The following CACNA2D2 variants were observed in gnomAD, a reference collection of about 807,000 sequenced individuals.
The protein encoded by CACNA2D2 is voltage-dependent calcium channel subunit alpha-2/delta-2.
CACNA2D2 carries 48 observed loss-of-function variants against 166.4 expected under a neutral mutation model. The observed-to-expected ratio is 0.29, with a 90% CI of 0.23 to 0.37. The LOEUF (loss-of-function observed/expected upper bound fraction) is 0.37. Ranked by LOEUF, CACNA2D2 falls within the 10% of genes least tolerant of loss-of-function variation. The probability of loss-of-function intolerance (pLI) is 1.00; values close to 1 mark genes in which losing one functional copy is unlikely to be tolerated. For missense variants in CACNA2D2, 1,122 were observed against 1,433.0 expected (o/e 0.78, Z 3.50); for synonymous variants, 561 against 573.7 (o/e 0.98, Z 0.32).
intron 1 of CACNA2D2, among the ~76,000 whole-genome samples, chr3:50,500,754 C>T (rs577878167): frequency 7.9e-6 from 1 of 126,570 alleles, no homozygotes; most frequent in Non-Finnish European, 1.7e-5. Flanking sequence ...CCAACCCCCC[C>T]ACCCCCCGCC....
chr3:50,502,963 G>T (rs1279460204), intron 1 of CACNA2D2, among the ~76,000 whole-genome samples: 1 of 152,218 alleles, frequency 6.6e-6, no homozygotes, highest in Non-Finnish European at 1.5e-5. Context: ...CCCGGGGCTT[G>T]AAGATCTTGC....
chr3:50,389,220 G>A (rs1036446575), intron 4 of CACNA2D2, among the ~76,000 whole-genome samples: 21 of 152,274 alleles, frequency 1.4e-4, no homozygotes, highest in Non-Finnish European at 2.5e-4. Context: ...GCCCGGCTCC[G>A]ACCGAAGCGC....
chr3:50,404,833 T>C (rs1424930609), intron 3 of CACNA2D2, among the ~76,000 whole-genome samples: 1 of 152,184 alleles, frequency 6.6e-6, no homozygotes, highest in Non-Finnish European at 1.5e-5. Context: ...CCCACTGCCC[T>C]GAGCAGAGAA....
intron 2 of CACNA2D2, among the ~76,000 whole-genome samples, chr3:50,474,629 G>C (rs1298670325): frequency 1.3e-5 from 2 of 152,208 alleles, no homozygotes; most frequent in African/African-American, 4.8e-5. Flanking sequence ...AAGGATTATT[G>C]ACTGGAGGAG....
At position 50,379,346 on chromosome 3, in the gene CACNA2D2, G is replaced by A. The variant is rs587637384; in HGVS notation, c.1152+86C>T. The A allele has an allele frequency of 8.9e-5, 136 of 1,531,274 alleles. No homozygotes were observed. The highest frequency in any genetic ancestry group is 3.4e-4 in the Middle Eastern group (2 of 5,834). 94.9% of individuals were successfully genotyped at this position (1,531,274 alleles called of 1,614,324 possible). ...TCCAAGCTGCCTGTTTGGTGCTAAC[G>A]AGGCCATCCGTCTTGATTTCCTGGG... On this transcript the variant is annotated intron_variant, in intron 11 of 37. Transcript: ENST00000424201. The surrounding 1 kb of genome is among the most constrained non-coding windows in gnomAD (Gnocchi z 6.5).
chr3:50,430,242 A>G (rs1708006729), intron 3 of CACNA2D2, among the ~76,000 whole-genome samples: 1 of 152,162 alleles, frequency 6.6e-6, no homozygotes, highest in African/African-American at 2.4e-5. Context: ...AAGCCCGCTG[A>G]GCCTCGATAC....
chr3:50,382,697 A>T (rs1007175971), intron 6 of CACNA2D2, among the ~76,000 whole-genome samples: 2 of 152,258 alleles, frequency 1.3e-5, no homozygotes, highest in African/African-American at 2.4e-5. Context: ...CAGGCCCTCC[A>T]GAGTTTCACA....
rs183305320 is a variant in CACNA2D2, at chr3:50,393,649, C to T, written c.465+460G>A. ...GACCATGGCAGCCCAGTCCCCTGAG[C>T]CCAGCCTGAGGGCCTCCAGGGTGGA... On this transcript the variant is annotated intron_variant, in intron 4 of 37. Transcript: ENST00000424201. Among the ~76,000 whole-genome samples, 376 of 152,340 alleles carry T rather than the reference C, an allele frequency of 2.5e-3. 2 individuals are homozygous for T. Among genetic ancestry groups the T allele is most frequent in the African/African-American group, 8.6e-3 (359 of 41,580 alleles).
intron 3 of CACNA2D2, among the ~76,000 whole-genome samples, chr3:50,421,011 G>A (rs1483739976): frequency 6.6e-6 from 1 of 152,202 alleles, no homozygotes; most frequent in Non-Finnish European, 1.5e-5. Flanking sequence ...CCTTCCCCTG[G>A]GTTCTGGGAG....
At chr3:50,478,346 G>C (rs1697892854) in intron 1 of CACNA2D2, among the ~76,000 whole-genome samples, 1 of 152,196 alleles carries the variant, frequency 6.6e-6, no homozygotes, top group African/African-American at 2.4e-5. Flanking sequence ...TCCTGCGATG[G>C]AGCCCTGGGG....
chr3:50,367,133 G>T lies in CACNA2D2; in HGVS notation c.2402-24C>A, dbSNP rs202084154. 6 of 1,582,438 alleles carry T rather than the reference G, an allele frequency of 3.8e-6. No homozygotes were observed. The highest frequency in any genetic ancestry group is 4.3e-6 in the Non-Finnish European group (5 of 1,153,436). Reference sequence around the variant, plus strand: ...GGCTGGGGGTTGGGTGGGGAAGTCAGGAGTGGGGTCTGGCGGCCACACTGA... The same window carrying T: ...GGCTGGGGGTTGGGTGGGGAAGTCATGAGTGGGGTCTGGCGGCCACACTGA... On this transcript the variant is annotated intron_variant, in intron 27 of 37. Coordinates refer to ENST00000424201, the MANE Select transcript of CACNA2D2 (RefSeq NM_006030.4). This position sits in a 1 kb window ranked among gnomAD's most constrained non-coding sequence, Gnocchi z 6.5.
chr3:50,381,313 T>C (rs1705304154), intron 6 of CACNA2D2, among the ~76,000 whole-genome samples, 187 bp from the exon 7 acceptor site: 1 of 151,934 alleles, frequency 6.6e-6, no homozygotes, highest in Non-Finnish European at 1.5e-5. Flanking sequence ...TTTCTGATCC[T>C]CACCCCTCCC....
intron 1 of CACNA2D2, among the ~76,000 whole-genome samples, chr3:50,492,682 G>T (rs1361404951): frequency 6.6e-6 from 1 of 152,210 alleles, no homozygotes; most frequent in East Asian, 1.9e-4. Flanking sequence ...TGGTTCCAAG[G>T]AACCTGGAGG....
At chr3:50,498,540 C>T (rs1269561527) in intron 1 of CACNA2D2, among the ~76,000 whole-genome samples, 1 of 152,208 alleles carries the variant, frequency 6.6e-6, no homozygotes, top group Non-Finnish European at 1.5e-5. Flanking sequence ...TGGCCCATAA[C>T]TCAAAGCTGG....
intron 1 of CACNA2D2, among the ~76,000 whole-genome samples, chr3:50,495,192 G>T (rs1698673526): frequency 6.6e-6 from 1 of 152,146 alleles, no homozygotes; most frequent in South Asian, 2.1e-4. Context: ...GGACCTCAGG[G>T]ATTTCTGTGG....
At chr3:50,499,093 T>G (rs1303670592) in intron 1 of CACNA2D2, among the ~76,000 whole-genome samples, 2 of 151,176 alleles carry the variant, frequency 1.3e-5, no homozygotes, top group African/African-American at 2.4e-5. Flanking sequence ...TTGCAGGGAG[T>G]GAGGGAGGGA....
Position 50,366,505 on chromosome 3 carries a change from G to C in CACNA2D2, c.2637+73C>G, listed in dbSNP as rs1296423309. 6.5e-7 allele frequency: 1 copy of C among 1,547,610 alleles called. No individual in the cohort carries two copies. Among genetic ancestry groups the C allele is most frequent in the Non-Finnish European group, 8.9e-7 (1 of 1,119,670 alleles). Reference sequence around the variant, plus strand: ...ACCCACAGGCCAAGGGATGTGCTGGGAGTCGCGGCTGGGACTAGGAAGTCT... The same window carrying C: ...ACCCACAGGCCAAGGGATGTGCTGGCAGTCGCGGCTGGGACTAGGAAGTCT... On this transcript the variant is annotated intron_variant, in intron 30 of 37. Transcript: ENST00000424201. This position sits in a 1 kb window ranked among gnomAD's most constrained non-coding sequence, Gnocchi z 5.9.
rs200657324 is a variant in CACNA2D2 at position 50,366,242 on chromosome 3, C to A, written c.2709+25G>T. ...AGAAGGCTCAAATCCCTACTCTCTT[C>A]TTTCACTCTCTTCCTGATCCTCACC... On this transcript the variant is annotated intron_variant, in intron 31 of 37. Transcript: ENST00000424201. The surrounding 1 kb of genome is among the most constrained non-coding windows in gnomAD (Gnocchi z 5.9). The A allele has an allele frequency of 6.2e-7, 1 of 1,614,054 alleles. No individual in the cohort carries two copies. The highest frequency in any genetic ancestry group is 1.3e-5 in the African/African-American group (1 of 75,044).
At chr3:50,396,297 C>T (rs997161460) in intron 3 of CACNA2D2, among the ~76,000 whole-genome samples, 1 of 152,144 alleles carries the variant, frequency 6.6e-6, no homozygotes, top group Non-Finnish European at 1.5e-5. Flanking sequence ...CTCTGTCCTG[C>T]CCGGAACCTG....
Sources: gnomAD v4.1 joint callset for allele counts (sites outside exome capture counted in the v4.1 genomes callset) on GRCh38, gnomAD v4.1.1 for gene constraint, Gnocchi (gnomAD v3.1) non-coding constraint, MANE v1.5 for transcripts, NCBI Gene and HGNC (gene_info 2026-07-23, HGNC 2026-07-21) for gene names.